COL21A1: variants seen among roughly 807,000 people sequenced by gnomAD.
COL21A1 encodes the protein collagen type XXI alpha 1 chain, also known as collagen alpha-1(XXI) chain.
COL21A1 carries 149 observed loss-of-function variants against 137.9 expected under a neutral mutation model. That is an observed-to-expected ratio of 1.08 (90% CI 0.95 to 1.24). COL21A1 has a LOEUF of 1.24. Among genes scored for constraint, COL21A1 ranks in the 50% most tolerant of loss-of-function variants. COL21A1 has a pLI of 0.00. For synonymous variants in COL21A1, 456 were observed against 391.5 expected (o/e 1.16, Z -1.95); for missense variants, 1,167 against 1,158.4 (o/e 1.01, Z -0.11).
Position 56,060,887 on chromosome 6 carries a change from A to G in COL21A1, c.2352+4T>C, listed in dbSNP as rs774826764. ...AATAACTGTGAAAGAAGCAGAATAC[A>G]TACGGGCTTCCCATCCAAACCTGGG... On this transcript the variant is annotated splice_donor_region_variant and intron_variant, in intron 26 of 29. Transcript: ENST00000244728. 3 of 1,583,776 alleles carry G rather than the reference A, an allele frequency of 1.9e-6. No individual in the cohort carries two copies. In the African/African-American group the frequency reaches 4.1e-5, roughly 22 times the overall value.
At chr6:56,203,879 T>A (rs1582633710) in intron 1 of COL21A1, among the ~76,000 whole-genome samples, 1 of 151,866 alleles carries the variant, frequency 6.6e-6, no homozygotes, top group Non-Finnish European at 1.5e-5. Flanking sequence ...GGGATCTCCC[T>A]CCCCCAGCCA....
At chr6:56,077,117 G>C (rs1767309390) in intron 18 of COL21A1, among the ~76,000 whole-genome samples, 1 of 151,268 alleles carries the variant, frequency 6.6e-6, no homozygotes, top group Non-Finnish European at 1.5e-5. Flanking sequence ...ACCTTGAGTT[G>C]TATAGTCTAC....
chr6:56,260,891 T>TGTGTGTGC lies in COL21A1; in HGVS notation c.-38-78236_-38-78235insGCACACAC, dbSNP rs1582739777. Reference sequence around the variant, plus strand: ...GTGTGTGTGTGTATGTGTGTGTGTGTGTACCTTTTATAGCTATACCTATAC... The same window carrying TGTGTGTGC: ...GTGTGTGTGTGTATGTGTGTGTGTGTGTGTGTGCGTACCTTTTATAGCTATACCTATAC... On this transcript the variant is annotated intron_variant, in intron 1 of 28. Transcript: ENST00000370819. Among the ~76,000 whole-genome samples the TGTGTGTGC allele has an allele frequency of 2.7e-5, 4 of 150,770 alleles. 1 individual carries two copies. Among genetic ancestry groups the TGTGTGTGC allele is most frequent in the South Asian group, 4.2e-4 (2 of 4,722 alleles).
intron 1 of COL21A1, among the ~76,000 whole-genome samples, chr6:56,213,411 G>C (rs898528960): frequency 6.6e-6 from 1 of 151,956 alleles, no homozygotes; most frequent in African/African-American, 2.4e-5. Flanking sequence ...GGAGGGACTT[G>C]TCTCTCCAAC....
chr6:56,058,913 T>G (rs1207214682), intron 29 of COL21A1, among the ~76,000 whole-genome samples: 2 of 152,090 alleles, frequency 1.3e-5, no homozygotes, highest in Non-Finnish European at 2.9e-5. Context: ...GTGACTAAAA[T>G]GATTCTAGAA....
At chr6:56,386,171 AC>A (rs2094017876) in intron 1 of COL21A1, among the ~76,000 whole-genome samples, 1 of 151,616 alleles carries the variant, frequency 6.6e-6, no homozygotes, top group Non-Finnish European at 1.5e-5. Context: ...CTAGTCTCAA[AC>A]TCCTGACCTC....
intron 1 of COL21A1, among the ~76,000 whole-genome samples, chr6:56,342,798 T>C (rs1765501251): frequency 6.6e-6 from 1 of 152,170 alleles, no homozygotes; most frequent in Non-Finnish European, 1.5e-5. Context: ...AGAACCACGA[T>C]CTGAATCTTC....
In COL21A1 at chr6:56,164,517, A is replaced by G. The variant is rs1776426138; in HGVS notation, c.1288-11T>C. 6.4e-7 allele frequency: 1 copy of G among 1,550,612 alleles called. No homozygotes were observed. Among genetic ancestry groups the G allele is most frequent in the Non-Finnish European group, 8.8e-7 (1 of 1,137,566 alleles). On this transcript the variant is annotated splice_polypyrimidine_tract_variant and intron_variant, in intron 8 of 29. Coordinates refer to ENST00000244728, the MANE Select transcript of COL21A1 (RefSeq NM_030820.4). The stretch of plus-strand genomic sequence containing the variant: ...GGGACCATTAAGGCACTATAAAGAC[A>G]AAAATGGAAACAGACAACAAGCATG...
In COL21A1 at chr6:56,290,498, G is replaced by GTTTTTTTTTTTT. The variant is rs371058894; in HGVS notation, c.-39+103472_-39+103473insAAAAAAAAAAAA. On this transcript the variant is annotated intron_variant, in intron 1 of 28. Transcript: ENST00000370819. ...AGATGCATATTAGAATCACTTAGGA[G>GTTTTTTTTTTTT]ATTTTTTTTTTTTTTTTTTGAGACG... is the stretch of plus-strand genomic sequence containing the variant. Among the ~76,000 whole-genome samples, 17 of 132,986 alleles carry GTTTTTTTTTTTT rather than the reference G, an allele frequency of 1.3e-4. 2 individuals are homozygous for GTTTTTTTTTTTT. Among genetic ancestry groups the GTTTTTTTTTTTT allele is most frequent in the South Asian group, 2.5e-4 (1 of 4,038 alleles). The allele number at this position is 132,986 out of a possible 152,430, so 87.2% of individuals were successfully genotyped here. A position where few individuals can be genotyped will look rare whatever the true frequency, so the allele number is the denominator to read the frequency against.
intron 1 of COL21A1, among the ~76,000 whole-genome samples, chr6:56,211,190 T>A (rs1780147921): frequency 9.7e-5 from 1 of 10,342 alleles, no homozygotes; most frequent in East Asian, 7.1e-3. Context: ...TATATATGTA[T>A]ATATGTATAT....
At chr6:56,191,464 T>C (rs911127933) in intron 1 of COL21A1, among the ~76,000 whole-genome samples, 2 of 150,696 alleles carry the variant, frequency 1.3e-5, no homozygotes, top group Non-Finnish European at 3.0e-5. Flanking sequence ...TGGTGGCAGT[T>C]GCCTGTAATC....
chr6:56,164,113 T>C (rs572367027), intron 9 of COL21A1, among the ~76,000 whole-genome samples: 138 of 152,332 alleles, frequency 9.1e-4, no homozygotes, highest in Middle Eastern at 3.4e-3. Context: ...CTTCATTTTT[T>C]ACCAGATTGT....
chr6:56,274,935 G>C (rs897014514), intron 1 of COL21A1, among the ~76,000 whole-genome samples: 2 of 151,722 alleles, frequency 1.3e-5, no homozygotes, highest in African/African-American at 2.4e-5. Flanking sequence ...AATAAATCTA[G>C]AGGCATCACA....
chr6:56,062,943 C>T (rs1361128663), intron 24 of COL21A1, among the ~76,000 whole-genome samples: 1 of 152,142 alleles, frequency 6.6e-6, no homozygotes, highest in East Asian at 1.9e-4. Flanking sequence ...GAAATATTCA[C>T]TTTGACTCCA....
intron 16 of COL21A1, among the ~76,000 whole-genome samples, chr6:56,117,739 T>A (rs768242132): frequency 2.0e-5 from 3 of 152,030 alleles, no homozygotes; most frequent in Non-Finnish European, 2.9e-5. Context: ...GCATCTTCTC[T>A]GACGATAATA....
At chr6:56,117,495 T>G (rs1772046072) in intron 16 of COL21A1, among the ~76,000 whole-genome samples, 1 of 152,002 alleles carries the variant, frequency 6.6e-6, no homozygotes, top group Admixed American at 6.6e-5. Flanking sequence ...GCTGGAGACT[T>G]CATCATTCCA....
chr6:56,369,104 T>C (rs898292427), intron 1 of COL21A1, among the ~76,000 whole-genome samples: 1 of 152,068 alleles, frequency 6.6e-6, no homozygotes, highest in Non-Finnish European at 1.5e-5. Context: ...CGAGAACCAA[T>C]TGTTTTGGTC....
intron 1 of COL21A1, among the ~76,000 whole-genome samples, chr6:56,294,945 T>G (rs1237633840): frequency 6.6e-6 from 1 of 152,032 alleles, no homozygotes; most frequent in Non-Finnish European, 1.5e-5. Context: ...TTAATTTTAA[T>G]AAAGTCCAAC....
intron 1 of COL21A1, among the ~76,000 whole-genome samples, chr6:56,390,476 T>C (rs2094027067): frequency 7.0e-6 from 1 of 142,972 alleles, no homozygotes; most frequent in African/African-American, 2.6e-5. Context: ...CTTAATCAAA[T>C]ACATAGAGTG....
Sources: gnomAD v4.1 joint callset for allele counts (sites outside exome capture counted in the v4.1 genomes callset) on GRCh38, gnomAD v4.1.1 for gene constraint, MANE v1.5 for transcripts, NCBI Gene and HGNC (gene_info 2026-07-23, HGNC 2026-07-21) for gene names.